Variants in ADAM2 observed in about 807,000 individuals in gnomAD.
ADAM2 encodes disintegrin and metalloproteinase domain-containing protein 2.
Under a neutral mutation model 99.3 loss-of-function variants are expected in ADAM2, and 101 were observed. The observed-to-expected ratio is 1.02, with a 90% CI of 0.87 to 1.20. The LOEUF is 1.20. Among genes scored for constraint, ADAM2 ranks in the 50% most tolerant of loss-of-function variants. ADAM2 has a pLI of 0.00. For synonymous variants in ADAM2, 323 were observed against 287.6 expected, an observed-to-expected ratio of 1.12 and a Z score of -1.25; for missense variants, 948 against 878.7, an observed-to-expected ratio of 1.08 and a Z score of -1.00.
chr8:39,837,954 C>G lies in ADAM2; in HGVS notation c.55+177G>C, dbSNP rs540669099. On this transcript the variant is annotated intron_variant, in intron 1 of 20. Transcript: ENST00000265708. Reference sequence around the variant, plus strand: ...AGGTTTCCAGGACGTGTGGGAAAGCCCTTATTCTACGTGGATTTTGGGTGG... The same window carrying G: ...AGGTTTCCAGGACGTGTGGGAAAGCGCTTATTCTACGTGGATTTTGGGTGG... 9.9e-4 allele frequency among the ~76,000 whole-genome samples: 151 copies of G among 152,144 alleles called. 1 individual carries two copies. Among genetic ancestry groups the G allele is most frequent in the Admixed American group, 6.5e-3 (99 of 15,280 alleles).
At chr8:39,790,212 G>A (rs1291481574) in intron 7 of ADAM2, among the ~76,000 whole-genome samples, 1 of 151,696 alleles carries the variant, frequency 6.6e-6, no homozygotes, top group African/African-American at 2.4e-5. Flanking sequence ...TAAAATGCAT[G>A]GCCACACAAA....
chr8:39,828,471 T>C (rs1277020271), intron 3 of ADAM2, among the ~76,000 whole-genome samples: 1 of 151,626 alleles, frequency 6.6e-6, no homozygotes, highest in Non-Finnish European at 1.5e-5. Flanking sequence ...ATGTATAATA[T>C]AAATTAGTAG....
intron 3 of ADAM2, among the ~76,000 whole-genome samples, chr8:39,826,514 G>C (rs1321914912): frequency 6.6e-6 from 1 of 151,878 alleles, no homozygotes; most frequent in Non-Finnish European, 1.5e-5. Context: ...ACGAGGTCGG[G>C]AGATTGAGAC....
At chr8:39,787,315 C>T (rs1803506076) in intron 9 of ADAM2, among the ~76,000 whole-genome samples, 1 of 150,632 alleles carries the variant, frequency 6.6e-6, no homozygotes, top group Non-Finnish European at 1.5e-5. Flanking sequence ...AACAGAAAAA[C>T]TGAAGAAAAA....
At chr8:39,780,212 A>G (rs934064284) in intron 10 of ADAM2, among the ~76,000 whole-genome samples, 13 of 152,022 alleles carry the variant, frequency 8.6e-5, no homozygotes, top group African/African-American at 2.9e-4. Context: ...AGACTTATTC[A>G]CTATCACAAG....
chr8:39,765,071 A>AAATG (rs1802519361), intron 14 of ADAM2, among the ~76,000 whole-genome samples: 1 of 151,320 alleles, frequency 6.6e-6, no homozygotes, highest in Admixed American at 6.6e-5. Context: ...ATAAATAAAT[A>AAATG]GCTGCACACA....
intron 15 of ADAM2, among the ~76,000 whole-genome samples, chr8:39,756,800 A>G (rs2300662): frequency 0.77 from 117,632 of 152,146 alleles, 46,120 homozygotes; most frequent in African/African-American, 0.91. Flanking sequence ...TGCACACACC[A>G]GTTAAACATT....
intron 3 of ADAM2, among the ~76,000 whole-genome samples, chr8:39,831,073 C>A (rs1358931814): frequency 6.6e-6 from 1 of 152,158 alleles, no homozygotes; most frequent in African/African-American, 2.4e-5. Context: ...GACTTCCCAG[C>A]CTCTAGAACT....
In ADAM2 at chr8:39,766,906, G is replaced by C; in HGVS notation, c.1449C>G (p.Ile483Met). The part of the protein sequence containing the change: ...TGHPCGLNQW[I>M]CIDGVCMSGD... ...CACTCATACAAACTCCATCTATACAGATCCATTGATTCAGTCCACACGGAT... is the reference window on the plus strand; with the variant it reads ...CACTCATACAAACTCCATCTATACACATCCATTGATTCAGTCCACACGGAT... The change falls in exon 14 of 21, where the codon ATC (isoleucine) becomes ATG (methionine). Residue 483 changes from isoleucine (I) to methionine (M), a missense_variant. Physicochemically the swap from Ile to Met is conservative, Grantham distance 10 (BLOSUM62 1). Transcript: ENST00000265708. 1 of 1,614,016 alleles carries C rather than the reference G, an allele frequency of 6.2e-7. No individual in the cohort carries two copies.
intron 3 of ADAM2, among the ~76,000 whole-genome samples, chr8:39,828,141 A>G (rs1438316725): frequency 1.3e-5 from 2 of 151,994 alleles, no homozygotes; most frequent in Non-Finnish European, 2.9e-5. Context: ...TTCAGATAGA[A>G]GCACAGAAAT....
chr8:39,774,005 T>C (rs1054229886), intron 11 of ADAM2, among the ~76,000 whole-genome samples: 1 of 151,956 alleles, frequency 6.6e-6, no homozygotes, highest in Non-Finnish European at 1.5e-5. Context: ...CATTCCTTGA[T>C]GCAGTTTATC....
chr8:39,805,868 G>A (rs1233402198), intron 7 of ADAM2, among the ~76,000 whole-genome samples: 1 of 152,166 alleles, frequency 6.6e-6, no homozygotes, highest in Non-Finnish European at 1.5e-5. Context: ...CAGATCAGAA[G>A]ATTAGCCAGA....
At chr8:39,763,618 G>A (rs1170395969) in intron 14 of ADAM2, among the ~76,000 whole-genome samples, 2 of 152,112 alleles carry the variant, frequency 1.3e-5, no homozygotes, top group African/African-American at 4.8e-5. Flanking sequence ...ACCCTTTTAT[G>A]AATAATCATG....
chr8:39,786,827 T>G lies in ADAM2; in HGVS notation c.891+147A>C. ...TATACATAGTGAATTGAATGAGTAC[T>G]TCTTATAGTTTAAACATTTCTGTCA... On this transcript the variant is annotated intron_variant, in intron 10 of 20. Coordinates refer to ENST00000265708, the MANE Select transcript of ADAM2 (RefSeq NM_001464.5). 5.3e-6 allele frequency: 3 copies of G among 566,902 alleles called. No individual in the cohort carries two copies. In the East Asian group the frequency reaches 1.0e-4, roughly 19 times the overall value. The allele number at this position is 566,902 out of a possible 1,614,324, so 35.1% of individuals were successfully genotyped here.
At chr8:39,773,076 A>G (rs1262115745) in intron 11 of ADAM2, among the ~76,000 whole-genome samples, 1 of 151,922 alleles carries the variant, frequency 6.6e-6, no homozygotes, top group Non-Finnish European at 1.5e-5. Flanking sequence ...AATTCAAAAG[A>G]TAGACATCTA....
At chr8:39,802,604 G>A (rs192693948) in intron 7 of ADAM2, among the ~76,000 whole-genome samples, 491 of 152,164 alleles carry the variant, frequency 3.2e-3, no homozygotes, top group Non-Finnish European at 5.7e-3. Context: ...CACTAAAAAC[G>A]AAAACTACCT....
At chr8:39,833,150 G>A (rs942168917) in intron 3 of ADAM2, among the ~76,000 whole-genome samples, 2 of 151,932 alleles carry the variant, frequency 1.3e-5, no homozygotes, top group African/African-American at 2.4e-5. Flanking sequence ...TTTGCTCTAT[G>A]TATTTCTTGC....
In ADAM2 at chr8:39,809,481, A is replaced by G. The variant is rs1462853327; in HGVS notation, c.514-15T>C. On this transcript the variant is annotated splice_polypyrimidine_tract_variant and intron_variant, in intron 6 of 20. Coordinates refer to ENST00000265708, the MANE Select transcript of ADAM2 (RefSeq NM_001464.5). ...TCTTGCTGTGGCTGAAAAAATCCAC[A>G]AATTTTACATCAAAATTACAGAATT... 3 of 1,265,438 alleles carry G rather than the reference A, an allele frequency of 2.4e-6. No homozygotes were observed. In the South Asian group the frequency reaches 3.8e-5, roughly 16 times the overall value. The allele number at this position is 1,265,438 out of a possible 1,614,324, so 78.4% of individuals were successfully genotyped here.
chr8:39,803,589 T>C (rs528152496), intron 7 of ADAM2, among the ~76,000 whole-genome samples: 12 of 152,340 alleles, frequency 7.9e-5, no homozygotes, highest in Middle Eastern at 3.4e-3. Context: ...CTGGAGCTCC[T>C]ATTTTGAAGA....
Sources: gnomAD v4.1 joint callset for allele counts (sites outside exome capture counted in the v4.1 genomes callset) on GRCh38, gnomAD v4.1.1 for gene constraint, MANE v1.5 for transcripts, NCBI Gene and HGNC (gene_info 2026-07-23, HGNC 2026-07-21) for gene names.